Variants in BMAL2 observed in about 807,000 individuals in gnomAD.
BMAL2 encodes the protein basic helix-loop-helix ARNT like 2.
the BMAL2 span, among the ~76,000 whole-genome samples, chr12:27,366,049 T>G: frequency 6.6e-6 from 1 of 152,134 alleles, no homozygotes; most frequent in Admixed American, 6.5e-5. Flanking sequence ...CATTTTACAT[T>G]TGAATTTCCT....
the BMAL2 span, among the ~76,000 whole-genome samples, chr12:27,351,398 G>A: frequency 9.9e-5 from 15 of 152,168 alleles, no homozygotes; most frequent in Non-Finnish European, 1.9e-4. Context: ...GTATTCTGAT[G>A]CTTTGATATC....
the BMAL2 span, chr12:27,400,459 A>G: frequency 4.0e-6 from 5 of 1,238,922 alleles, no homozygotes; most frequent in Non-Finnish European, 5.5e-6. Context: ...TATAACTATT[A>G]TAGATGTCAA....
chr12:27,362,950 C>T, the BMAL2 span, among the ~76,000 whole-genome samples: 1 of 152,062 alleles, frequency 6.6e-6, no homozygotes, highest in African/African-American at 2.4e-5. Flanking sequence ...ACTATATGTG[C>T]ACACCACCAT....
chr12:27,377,231 T>C, the BMAL2 span, among the ~76,000 whole-genome samples: 1 of 152,206 alleles, frequency 6.6e-6, no homozygotes, highest in Admixed American at 6.5e-5. Flanking sequence ...AGAGCTCTGA[T>C]GAAGTATTAA....
At chr12:27,398,618 A>G in the BMAL2 span, among the ~76,000 whole-genome samples, 1 of 152,222 alleles carries the variant, frequency 6.6e-6, no homozygotes, top group Non-Finnish European at 1.5e-5. Flanking sequence ...GAATTACACA[A>G]TCCCAGCTAG....
chr12:27,349,196 C>T, the BMAL2 span, among the ~76,000 whole-genome samples: 1 of 152,114 alleles, frequency 6.6e-6, no homozygotes, highest in East Asian at 1.9e-4. Context: ...GGGGATGCCT[C>T]GTATTTCATA....
chr12:27,401,311 T>G, the BMAL2 span: 1 of 1,614,168 alleles, frequency 6.2e-7, no homozygotes, highest in Non-Finnish European at 8.5e-7. Context: ...CTTCTTGTTA[T>G]GAATATTTTC....
the BMAL2 span, among the ~76,000 whole-genome samples, chr12:27,398,455 TTGAGA>T: frequency 6.6e-6 from 1 of 152,148 alleles, no homozygotes; most frequent in Non-Finnish European, 1.5e-5. Flanking sequence ...TAAAGAATTA[TTGAGA>T]TAAGAATTTT....
At chr12:27,421,931 T>G in the BMAL2 span, 1 of 152,184 alleles carries the variant, frequency 6.6e-6, no homozygotes, top group Non-Finnish European at 1.5e-5. Context: ...AATTAGGCAA[T>G]TACAGTTATT....
chr12:27,369,078 CA>C, the BMAL2 span, among the ~76,000 whole-genome samples: 1 of 152,188 alleles, frequency 6.6e-6, no homozygotes, highest in Non-Finnish European at 1.5e-5. Context: ...TTGAGACCCG[CA>C]AGACCCCATC....
the BMAL2 span, among the ~76,000 whole-genome samples, chr12:27,376,892 C>T: frequency 1.2e-3 from 175 of 147,954 alleles, 2 homozygotes; most frequent in East Asian, 0.028. Flanking sequence ...CCCAGCTACT[C>T]GGGGGGACTG....
chr12:27,372,707 T>C, the BMAL2 span, among the ~76,000 whole-genome samples: 3 of 152,200 alleles, frequency 2.0e-5, no homozygotes, highest in Non-Finnish European at 4.4e-5. Flanking sequence ...GGAGTCTCGC[T>C]GTGTCACCCA....
the BMAL2 span, chr12:27,415,858 A>C: frequency 6.4e-7 from 1 of 1,574,256 alleles, no homozygotes; most frequent in Non-Finnish European, 8.7e-7. Context: ...TTTATGTATC[A>C]CTTTTTAAAG....
At chr12:27,376,880 GT>G in the BMAL2 span, among the ~76,000 whole-genome samples, 1 of 151,468 alleles carries the variant, frequency 6.6e-6, no homozygotes, top group Non-Finnish European at 1.5e-5. Flanking sequence ...GGCACCTGTA[GT>G]CCCAGCTACT....
At chr12:27,381,533 G>A in the BMAL2 span, among the ~76,000 whole-genome samples, 4 of 152,092 alleles carry the variant, frequency 2.6e-5, no homozygotes, top group Non-Finnish European at 5.9e-5. Context: ...GATCTCATGA[G>A]AACTCACTAT....
chr12:27,415,912 T>C, the BMAL2 span: 2 of 1,607,988 alleles, frequency 1.2e-6, no homozygotes, highest in South Asian at 2.2e-5. Context: ...TCCAACAGGT[T>C]TAATGAAAGA....
chr12:27,407,753 C>T, the BMAL2 span, among the ~76,000 whole-genome samples: 1 of 152,190 alleles, frequency 6.6e-6, no homozygotes, highest in East Asian at 1.9e-4. Flanking sequence ...CAGAGCAGAA[C>T]TGAAGGAGAT....
chr12:27,365,358 T>A, the BMAL2 span, among the ~76,000 whole-genome samples: 2 of 152,092 alleles, frequency 1.3e-5, no homozygotes. Flanking sequence ...TTTTTATTCA[T>A]TTCTGAATTT....
At chr12:27,406,807 A>G in the BMAL2 span, among the ~76,000 whole-genome samples, 1 of 152,234 alleles carries the variant, frequency 6.6e-6, no homozygotes. Context: ...CAAATTGTAT[A>G]AAGAGTCAAG....
Sources: allele counts gnomAD v4.1 joint callset (sites outside exome capture counted in the v4.1 genomes callset), GRCh38; gene constraint gnomAD v4.1.1; transcripts MANE v1.5; gene names NCBI Gene and HGNC (gene_info 2026-07-23, HGNC 2026-07-21).